Variants in TMEM123 observed in about 807,000 individuals in gnomAD.
The protein encoded by TMEM123 is transmembrane protein 123, also known as porimin.
Under a neutral mutation model 19.7 loss-of-function variants are expected in TMEM123, and 16 were observed. The ratio of observed to expected loss-of-function variants is 0.81; its 90% CI spans 0.55 to 1.23. The LOEUF is 1.23. TMEM123 is among the 50% of genes most tolerant of loss of function. The pLI is 0.00. For missense variants in TMEM123, 313 were observed against 257.8 expected (o/e 1.21, Z -1.47); for synonymous variants, 118 against 99.4 (o/e 1.19, Z -1.12).
At position 102,411,855 on chromosome 11, in the gene TMEM123, G is replaced by A. The variant is rs1016766819; in HGVS notation, c.158-9649C>T. Among the ~76,000 whole-genome samples the A allele has an allele frequency of 5.9e-5, 9 of 152,292 alleles. No homozygotes were observed. The East Asian group carries it at 1.7e-3, about 29-fold the overall frequency. ...CACAGTTCTGGGAAAACGTGTGCAA[G>A]TGCCTAGCACAGTCTGGAGCATATA... On this transcript the variant is annotated intron_variant, in intron 2 of 4. Coordinates refer to ENST00000398136, the MANE Select transcript of TMEM123 (RefSeq NM_052932.3).
At chr11:102,437,653 C>T (rs967553829) in intron 2 of TMEM123, among the ~76,000 whole-genome samples, 13 of 151,972 alleles carry the variant, frequency 8.6e-5, no homozygotes, top group African/African-American at 3.1e-4. Flanking sequence ...ATTATTGTAT[C>T]TGCTGTCTTG....
At chr11:102,399,422 G>GTGAC (rs1951890297) in intron 4 of TMEM123, among the ~76,000 whole-genome samples, 1 of 152,168 alleles carries the variant, frequency 6.6e-6, no homozygotes, top group African/African-American at 2.4e-5. Flanking sequence ...TCCAACCTGG[G>GTGAC]TGACAGAGCC....
chr11:102,401,857 T>G (rs1306178687), intron 3 of TMEM123, 59 bp downstream of exon 3: 21 of 1,570,562 alleles, frequency 1.3e-5, no homozygotes, highest in Non-Finnish European at 1.8e-5. Context: ...AATAATGACT[T>G]AAATGTGGCA....
chr11:102,415,335 CT>C, intron 2 of TMEM123, among the ~76,000 whole-genome samples: 1 of 152,288 alleles, frequency 6.6e-6, no homozygotes, highest in Non-Finnish European at 1.5e-5. Flanking sequence ...CCAAATGGAT[CT>C]AACAGATATC....
At position 102,398,774 on chromosome 11, in the gene TMEM123, CAA is replaced by C. The variant is rs1314760447; in HGVS notation, c.*91_*92del. 5 of 1,320,234 alleles carry C rather than the reference CAA, an allele frequency of 3.8e-6. No individual in the cohort carries two copies. The highest frequency in any genetic ancestry group is 1.5e-5 in the African/African-American group (1 of 67,430). 81.8% of individuals were successfully genotyped at this position (1,320,234 alleles called of 1,614,324 possible). The stretch of plus-strand genomic sequence containing the variant: ...ATGCATGGCCTGTTTATACTATTTT[CAA>C]AAAGAGAATATTGTTTTAAACTATT... On this transcript the variant is annotated 3_prime_UTR_variant, in exon 5 of 5. Transcript: ENST00000398136.
chr11:102,441,147 G>T (rs924356824), intron 2 of TMEM123, among the ~76,000 whole-genome samples: 2 of 151,974 alleles, frequency 1.3e-5, no homozygotes, highest in African/African-American at 4.8e-5. Flanking sequence ...AGACAGAAAG[G>T]TAACAAGGAT....
intron 2 of TMEM123, among the ~76,000 whole-genome samples, chr11:102,444,424 TCTCAGCAAA>T (rs1177322963): frequency 1.3e-5 from 2 of 151,430 alleles, no homozygotes; most frequent in African/African-American, 4.9e-5. Context: ...AAACCATCAT[TCTCAGCAAA>T]CTACGGCAAG....
At chr11:102,436,575 CAA>C (rs1162271356) in intron 2 of TMEM123, among the ~76,000 whole-genome samples, 1 of 151,916 alleles carries the variant, frequency 6.6e-6, no homozygotes, top group Non-Finnish European at 1.5e-5. Context: ...CACGGACACA[CAA>C]AGAGATGAAG....
intron 2 of TMEM123, among the ~76,000 whole-genome samples, chr11:102,403,012 CT>C (rs1274397475): frequency 1.3e-5 from 2 of 151,966 alleles, no homozygotes; most frequent in African/African-American, 2.4e-5. Context: ...TGCTCCTTAA[CT>C]TCTTTTTTGT....
intron 2 of TMEM123, among the ~76,000 whole-genome samples, chr11:102,415,499 G>A (rs1327492625): frequency 6.6e-6 from 1 of 152,084 alleles, no homozygotes; most frequent in Non-Finnish European, 1.5e-5. Flanking sequence ...CACACCCTCA[G>A]ACCACAGCAT....
intron 2 of TMEM123, among the ~76,000 whole-genome samples, chr11:102,427,828 ACT>A (rs560078377): frequency 1.3e-5 from 2 of 150,598 alleles, no homozygotes; most frequent in Admixed American, 6.6e-5. Flanking sequence ...ACAGAGCAAG[ACT>A]CTGTTTCAAT....
chr11:102,434,385 GTCT>G (rs1286649700), intron 2 of TMEM123, among the ~76,000 whole-genome samples: 2 of 151,806 alleles, frequency 1.3e-5, no homozygotes, highest in Admixed American at 1.3e-4. Context: ...CTATCTGTAT[GTCT>G]TCTTTTGAGA....
At chr11:102,446,797 A>G (rs1263754297) in intron 2 of TMEM123, among the ~76,000 whole-genome samples, 1 of 152,228 alleles carries the variant, frequency 6.6e-6, no homozygotes, top group East Asian at 1.9e-4. Flanking sequence ...TACTGCAGGC[A>G]GTCTCCGCTT....
intron 2 of TMEM123, among the ~76,000 whole-genome samples, chr11:102,439,847 G>A (rs1240477591): frequency 6.6e-6 from 1 of 151,766 alleles, no homozygotes; most frequent in Non-Finnish European, 1.5e-5. Context: ...ATAGCATAGA[G>A]AAGACCTTAA....
chr11:102,418,982 G>T (rs1256346966), intron 2 of TMEM123, among the ~76,000 whole-genome samples: 1 of 152,098 alleles, frequency 6.6e-6, no homozygotes, highest in East Asian at 1.9e-4. Flanking sequence ...ACACTAAGAA[G>T]GGAAGAATAA....
intron 2 of TMEM123, among the ~76,000 whole-genome samples, chr11:102,441,308 G>A (rs1477122294): frequency 6.6e-6 from 1 of 152,136 alleles, no homozygotes; most frequent in African/African-American, 2.4e-5. Context: ...GCACTCCTCA[G>A]CAAATGTAAA....
intron 2 of TMEM123, among the ~76,000 whole-genome samples, chr11:102,425,782 C>T (rs1952121798): frequency 6.6e-6 from 1 of 151,832 alleles, no homozygotes; most frequent in Non-Finnish European, 1.5e-5. Flanking sequence ...CAGGTTTCCC[C>T]ATGTTGTGCA....
intron 2 of TMEM123, among the ~76,000 whole-genome samples, chr11:102,412,066 C>G (rs1050119521): frequency 2.0e-5 from 3 of 152,134 alleles, no homozygotes; most frequent in Admixed American, 6.6e-5. Context: ...TGCTTCCCAC[C>G]CATTCTCAGC....
In TMEM123 at chr11:102,452,545, G is replaced by T. The variant is rs774891188; in HGVS notation, c.79C>A (p.His27Asn). 4.5e-6 allele frequency: 7 copies of T among 1,561,130 alleles called. No homozygotes were observed. The South Asian group carries it at 7.0e-5, about 16-fold the overall frequency. Residue 27 changes from histidine (H) to asparagine (N), a missense_variant, in exon 1 of 5, where the codon CAT (histidine) becomes AAT (asparagine). Coordinates refer to ENST00000398136, the MANE Select transcript of TMEM123 (RefSeq NM_052932.3). ...LQVLALLGAA[H>N]ESAAMAASAN... ...TTACCCGCCATGGCTGCGCTTTCAT[G>T]GGCGGCCCCCAGCAGCGCTAGCACC...
Sources: gnomAD v4.1 joint callset for allele counts (sites outside exome capture counted in the v4.1 genomes callset) on GRCh38, gnomAD v4.1.1 for gene constraint, MANE v1.5 for transcripts, NCBI Gene and HGNC (gene_info 2026-07-23, HGNC 2026-07-21) for gene names.